ARSG: variants seen among roughly 807,000 people sequenced by gnomAD.
ARSG encodes the protein arylsulfatase G, also known as ASG.
In ARSG, 37 loss-of-function variants were observed where a neutral mutation model predicts 50.5. The ratio of observed to expected loss-of-function variants is 0.73; its 90% confidence interval spans 0.56 to 0.96. The LOEUF is 0.96. Among genes scored for constraint, ARSG ranks in the 50% least tolerant of loss-of-function variants. ARSG has a pLI of 0.00. For synonymous variants in ARSG, 225 were observed against 254.6 expected, an observed-to-expected ratio of 0.88 and a Z score of 1.11; for missense variants, 629 against 675.3, an observed-to-expected ratio of 0.93 and a Z score of 0.76.
intron 1 of ARSG, among the ~76,000 whole-genome samples, chr17:68,262,716 T>C (rs1434463165): frequency 6.6e-6 from 1 of 152,148 alleles, no homozygotes; most frequent in Admixed American, 6.5e-5. Flanking sequence ...TTGGCTTGGA[T>C]CAAGGGTCCT....
chr17:68,340,354 G>A (rs1383943986), intron 2 of ARSG, among the ~76,000 whole-genome samples: 3 of 151,894 alleles, frequency 2.0e-5, no homozygotes, highest in Admixed American at 1.3e-4. Flanking sequence ...GTGCGATCTC[G>A]GCTCACTGCA....
chr17:68,436,509 C>T, the ARSG span: 1 of 1,603,598 alleles, frequency 6.2e-7, no homozygotes, highest in African/African-American at 1.3e-5. Context: ...ACATGAGAAG[C>T]CTGGGGCCAA....
intron 1 of ARSG, among the ~76,000 whole-genome samples, chr17:68,304,290 C>A (rs1258395228): frequency 6.6e-6 from 1 of 152,250 alleles, no homozygotes; most frequent in East Asian, 1.9e-4. Context: ...GAGGCTCTTT[C>A]TCCTGAAAAG....
upstream of ARSG, among the ~76,000 whole-genome samples, chr17:68,290,661 G>T (rs1045138831): frequency 6.6e-6 from 1 of 152,240 alleles, no homozygotes; most frequent in Non-Finnish European, 1.5e-5. Context: ...GCGCCAGCCT[G>T]GGGTAGGAAG....
At chr17:68,260,286 G>A (rs781813377) in intron 1 of ARSG, among the ~76,000 whole-genome samples, 14 of 152,142 alleles carry the variant, frequency 9.2e-5, no homozygotes, top group Non-Finnish European at 1.9e-4. Context: ...GTTATTCGTT[G>A]TTTTCACTGT....
chr17:68,307,847 G>A, intron 2 of ARSG, 136 bp downstream of exon 2: 1 of 612,938 alleles, frequency 1.6e-6, no homozygotes, highest in Non-Finnish European at 2.9e-6. Context: ...AATTAATTTG[G>A]TTTGAAGCCA....
At chr17:68,427,026 C>A, downstream of ARSG, 2 of 881,026 alleles carry the variant, frequency 2.3e-6, no homozygotes, top group South Asian at 3.1e-5. Context: ...GGAGGGAGGG[C>A]ACTCCACCCC....
chr17:68,287,990 C>CTTT (rs542264053), upstream of ARSG, among the ~76,000 whole-genome samples: 1 of 126,096 alleles, frequency 7.9e-6, no homozygotes, highest in Non-Finnish European at 1.7e-5. Flanking sequence ...TCCCTCCTTT[C>CTTT]TTTTTTTTTT....
intron 1 of ARSG, among the ~76,000 whole-genome samples, chr17:68,284,941 T>C (rs11869470): frequency 0.61 from 92,610 of 152,052 alleles, 28,775 homozygotes; most frequent in African/African-American, 0.73. Flanking sequence ...CCCCGGACCC[T>C]GCCTGTACCT....
chr17:68,280,889 C>A (rs1555752504), intron 1 of ARSG, among the ~76,000 whole-genome samples: 2 of 152,126 alleles, frequency 1.3e-5, no homozygotes, highest in African/African-American at 4.8e-5. Flanking sequence ...CTTCGGGATG[C>A]CAAGGTGGGT....
At chr17:68,303,800 A>T (rs555088192) in intron 1 of ARSG, among the ~76,000 whole-genome samples, 12 of 152,294 alleles carry the variant, frequency 7.9e-5, no homozygotes, top group Admixed American at 7.2e-4. Context: ...GATCTTAATC[A>T]AAGTCTGTAC....
chr17:68,426,897 G>A (rs1322077229), downstream of ARSG, among the ~76,000 whole-genome samples: 1 of 152,214 alleles, frequency 6.6e-6, no homozygotes, highest in Non-Finnish European at 1.5e-5. Flanking sequence ...ACCGTATCGT[G>A]TGATGCCTTG....
intron 8 of ARSG, among the ~76,000 whole-genome samples, chr17:68,371,102 C>T (rs1365001538): frequency 4.6e-5 from 7 of 152,050 alleles, no homozygotes; most frequent in East Asian, 1.9e-4. Context: ...CGGCGGATCA[C>T]GAGGTCAGGA....
chr17:68,324,394 G>A (rs782781121), intron 2 of ARSG, among the ~76,000 whole-genome samples: 2 of 152,172 alleles, frequency 1.3e-5, no homozygotes, highest in African/African-American at 2.4e-5. Context: ...ATGACTCTCA[G>A]GACCTTCCCA....
At chr17:68,333,784 A>G (rs2077894026) in intron 2 of ARSG, among the ~76,000 whole-genome samples, 1 of 152,102 alleles carries the variant, frequency 6.6e-6, no homozygotes, top group Admixed American at 6.6e-5. Flanking sequence ...AGAGATGAAT[A>G]TTTGGGGAGC....
intron 1 of ARSG, among the ~76,000 whole-genome samples, chr17:68,304,971 C>T (rs1184159836): frequency 1.3e-5 from 2 of 152,176 alleles, no homozygotes; most frequent in South Asian, 2.1e-4. Flanking sequence ...CCCAGGAGTT[C>T]CAGACTGGCC....
chr17:68,304,234 TC>T (rs1407011240), intron 1 of ARSG, among the ~76,000 whole-genome samples: 1 of 152,246 alleles, frequency 6.6e-6, no homozygotes, highest in African/African-American at 2.4e-5. Context: ...GATCTCGGAA[TC>T]AAGCAGCAGG....
chr17:68,437,366 C>G, the ARSG span, among the ~76,000 whole-genome samples: 1 of 151,962 alleles, frequency 6.6e-6, no homozygotes, highest in Non-Finnish European at 1.5e-5. Context: ...ATCGGGCTGG[C>G]CAACATAGTG....
Position 68,384,971 on chromosome 17 carries a change from C to G in ARSG, c.983-93C>G. 4 of 1,016,248 alleles carry G rather than the reference C, an allele frequency of 3.9e-6. No homozygotes were observed. In the South Asian group the frequency reaches 5.7e-5, roughly 14 times the overall value. 63.0% of individuals were successfully genotyped at this position (1,016,248 alleles called of 1,614,324 possible). A position where few individuals can be genotyped will look rare whatever the true frequency, so the allele number is the denominator to read the frequency against. ...TCCTTTGTTGGGGTTATTGGAAACT[C>G]AGAGAGGGGTTCTCCCAGAGACTAG... On this transcript the variant is annotated intron_variant, in intron 8 of 11. Coordinates refer to ENST00000621439, the MANE Select transcript of ARSG (RefSeq NM_001267727.2).
Sources: gnomAD v4.1 joint callset for allele counts (sites outside exome capture counted in the v4.1 genomes callset) on GRCh38, gnomAD v4.1.1 for gene constraint, MANE v1.5 for transcripts, NCBI Gene and HGNC (gene_info 2026-07-23, HGNC 2026-07-21) for gene names.